The following PRKG2 variants were observed in gnomAD, a reference collection of about 807,000 sequenced individuals.
PRKG2 encodes the protein cGMP-dependent protein kinase 2.
Under a neutral mutation model 97.2 loss-of-function variants are expected in PRKG2, and 33 were observed. The observed-to-expected ratio is 0.34, with a 90% CI of 0.26 to 0.45. The LOEUF (loss-of-function observed/expected upper bound fraction) is 0.45, where lower values mean the gene tolerates loss of function less well. Among genes scored for constraint, PRKG2 ranks in the 20% least tolerant of loss-of-function variants. The probability of loss-of-function intolerance (pLI) is 1.00; values close to 1 mark genes in which losing one functional copy is unlikely to be tolerated. For missense variants in PRKG2, 638 were observed against 900.0 expected (o/e 0.71, Z 3.73); for synonymous variants, 330 against 321.8 (o/e 1.03, Z -0.27).
intron 14 of PRKG2, 151 bp downstream of exon 14, chr4:81,135,004 G>T: frequency 1.6e-6 from 1 of 621,888 alleles, no homozygotes; most frequent in South Asian, 3.6e-5. Context: ...TCATAACATT[G>T]CTCCCAGTAT....
At chr4:81,193,554 T>C (rs543822094) in intron 2 of PRKG2, among the ~76,000 whole-genome samples, 4 of 152,162 alleles carry the variant, frequency 2.6e-5, no homozygotes, top group African/African-American at 9.7e-5. Context: ...AAAAACTCTA[T>C]GCTGGCCAGG....
At chr4:81,104,283 T>C in intron 17 of PRKG2, 87 bp downstream of exon 17, 1 of 923,850 alleles carries the variant, frequency 1.1e-6, no homozygotes, top group Non-Finnish European at 1.6e-6. Context: ...GAAAGGGACC[T>C]TTGTGGCCTC....
chr4:81,110,726 T>C, intron 14 of PRKG2, 115 bp from the exon 15 acceptor site: 1 of 852,218 alleles, frequency 1.2e-6, no homozygotes, highest in Non-Finnish European at 1.8e-6. Context: ...TTTTATACCA[T>C]GCACACACAC....
chr4:81,095,058 G>A (rs1292024460), intron 17 of PRKG2, among the ~76,000 whole-genome samples: 2 of 152,128 alleles, frequency 1.3e-5, no homozygotes, highest in African/African-American at 2.4e-5. Context: ...GGCCATACCA[G>A]AAGTTAGGAT....
At chr4:81,189,806 A>C (rs938205371) in intron 2 of PRKG2, among the ~76,000 whole-genome samples, 1 of 152,258 alleles carries the variant, frequency 6.6e-6, no homozygotes, top group Admixed American at 6.5e-5. Context: ...GAGCCAAATC[A>C]TGAGTGAACT....
chr4:81,134,166 A>C (rs962490662), intron 14 of PRKG2, among the ~76,000 whole-genome samples: 1 of 152,198 alleles, frequency 6.6e-6, no homozygotes, highest in African/African-American at 2.4e-5. Flanking sequence ...ACAGAGAAAA[A>C]TATCTTAGCA....
At chr4:81,120,895 T>C (rs1745012290) in intron 14 of PRKG2, among the ~76,000 whole-genome samples, 2 of 152,178 alleles carry the variant, frequency 1.3e-5, no homozygotes, top group Admixed American at 6.5e-5. Context: ...AAGTTTCTGG[T>C]TTCTCACCAT....
chr4:81,110,326 T>A, intron 15 of PRKG2, 122 bp downstream of exon 15: 1 of 1,022,206 alleles, frequency 9.8e-7, no homozygotes, highest in East Asian at 2.8e-5. Flanking sequence ...GAAAAAGGTA[T>A]CATACTTAAT....
intron 17 of PRKG2, among the ~76,000 whole-genome samples, chr4:81,093,289 T>C (rs1483713721): frequency 2.0e-5 from 3 of 151,740 alleles, no homozygotes; most frequent in Admixed American, 6.6e-5. Context: ...CACCTTCATG[T>C]CTTTTCTCAA....
At chr4:81,153,869 C>T in intron 6 of PRKG2, 148 bp from the exon 7 acceptor site, 1 of 595,640 alleles carries the variant, frequency 1.7e-6, no homozygotes, top group East Asian at 3.1e-5. Context: ...GTTCATCTCA[C>T]TAGGGAGTGC....
At chr4:81,173,372 C>A (rs1345922522) in intron 3 of PRKG2, among the ~76,000 whole-genome samples, 1 of 152,100 alleles carries the variant, frequency 6.6e-6, no homozygotes, top group Non-Finnish European at 1.5e-5. Flanking sequence ...AGCCTTTCAT[C>A]AGAACTACTT....
chr4:81,092,545 A>G, intron 17 of PRKG2, 93 bp from the exon 18 acceptor site: 1 of 789,826 alleles, frequency 1.3e-6, no homozygotes, highest in Non-Finnish European at 2.1e-6. Flanking sequence ...AAGGAATATT[A>G]CTTGGATGAT....
chr4:81,093,601 C>CT (rs1212907412), intron 17 of PRKG2, among the ~76,000 whole-genome samples: 3 of 152,100 alleles, frequency 2.0e-5, no homozygotes, highest in Non-Finnish European at 4.4e-5. Context: ...GGGACAGGGG[C>CT]TCAATAAATT....
chr4:81,104,452 A>G lies in PRKG2; in HGVS notation c.2064-20T>C. On this transcript the variant is annotated intron_variant, in intron 16 of 18. Transcript: ENST00000264399. ...TTTTGCCTAAAACAATAATTTGTAA[A>G]AGGCAATTTATAATAATTATATTTA... 1 of 1,244,138 alleles carries G rather than the reference A, an allele frequency of 8.0e-7. No homozygotes were observed. Among genetic ancestry groups the G allele is most frequent in the Non-Finnish European group, 1.1e-6 (1 of 940,756 alleles). The allele number at this position is 1,244,138 out of a possible 1,614,324, so 77.1% of individuals were successfully genotyped here.
chr4:81,125,338 T>C (rs770539251), intron 14 of PRKG2, among the ~76,000 whole-genome samples: 4 of 152,198 alleles, frequency 2.6e-5, no homozygotes, highest in Admixed American at 6.5e-5. Context: ...GAGACGACCA[T>C]TGTATTTATG....
chr4:81,216,485 T>A (rs788860), upstream of PRKG2, among the ~76,000 whole-genome samples: 64,587 of 151,944 alleles, frequency 0.43, 16,849 homozygotes, highest in African/African-American at 0.74. Context: ...GAATTTTTAT[T>A]AGCGATTTAA....
intron 1 of PRKG2, among the ~76,000 whole-genome samples, chr4:81,207,894 A>C (rs1423333292): frequency 6.6e-6 from 1 of 152,178 alleles, no homozygotes; most frequent in South Asian, 2.1e-4. Flanking sequence ...ACCTAATTAG[A>C]TTCACTCTGT....
chr4:81,188,827 A>G (rs1438125128), intron 2 of PRKG2, among the ~76,000 whole-genome samples: 2 of 85,402 alleles, frequency 2.3e-5, no homozygotes, highest in Non-Finnish European at 3.7e-5. Flanking sequence ...GAACAATGAG[A>G]TCACATGGAC....
At position 81,144,219 on chromosome 4, in the gene PRKG2, T is replaced by C; in HGVS notation, c.1253+13A>G. ...AAGTCAGCTCCGGCTCAGGAAAACA[T>C]TCCTCCACTTACTTCGCATGTCTTT... On this transcript the variant is annotated intron_variant, in intron 10 of 18. Coordinates refer to ENST00000264399, the MANE Select transcript of PRKG2 (RefSeq NM_006259.3). The C allele has an allele frequency of 6.3e-7, 1 of 1,587,750 alleles. No individual in the cohort carries two copies. Among genetic ancestry groups the C allele is most frequent in the Non-Finnish European group, 8.6e-7 (1 of 1,156,386 alleles).
Sources: allele counts gnomAD v4.1 joint callset (sites outside exome capture counted in the v4.1 genomes callset), GRCh38; gene constraint gnomAD v4.1.1; transcripts MANE v1.5; gene names NCBI Gene and HGNC (gene_info 2026-07-23, HGNC 2026-07-21).